The following TMEFF1 variants were observed in gnomAD, a reference collection of about 807,000 sequenced individuals.
TMEFF1 encodes the protein transmembrane protein with EGF like and two follistatin like domains 1, also known as tomoregulin-1.
Under a neutral mutation model 47.5 loss-of-function variants are expected in TMEFF1, and 20 were observed. The observed-to-expected ratio is 0.42, with a 90% CI of 0.30 to 0.61. TMEFF1 has a LOEUF of 0.61. Among genes scored for constraint, TMEFF1 ranks in the 20% least tolerant of loss-of-function variants. The pLI, the probability that TMEFF1 is intolerant of heterozygous loss-of-function variation, is 0.19. For synonymous variants in TMEFF1, 162 were observed against 166.3 expected, an observed-to-expected ratio of 0.97 and a Z score of 0.20; for missense variants, 411 against 471.1, an observed-to-expected ratio of 0.87 and a Z score of 1.18.
intron 2 of TMEFF1, among the ~76,000 whole-genome samples, chr9:100,503,445 T>G (rs184202905): frequency 6.6e-6 from 1 of 152,116 alleles, no homozygotes; most frequent in East Asian, 1.9e-4. Context: ...CTATGTGTCT[T>G]TCTTCCTGTA....
intron 7 of TMEFF1, 136 bp from the exon 8 acceptor site, chr9:100,561,261 T>G: frequency 6.9e-7 from 1 of 1,443,250 alleles, no homozygotes; most frequent in Non-Finnish European, 9.2e-7. Context: ...ACCCCCTATC[T>G]GATAAATTTT....
At chr9:100,513,267 G>C (rs757686080) in intron 3 of TMEFF1, 40 bp from the exon 4 acceptor site, 2 of 1,571,744 alleles carry the variant, frequency 1.3e-6, no homozygotes, top group African/African-American at 2.8e-5. Flanking sequence ...TGAAATTTCC[G>C]GGAAAAATGT....
At chr9:100,573,320 T>G in intron 9 of TMEFF1, among the ~76,000 whole-genome samples, 1 of 152,180 alleles carries the variant, frequency 6.6e-6, no homozygotes, top group East Asian at 1.9e-4. Context: ...TTACTTCATT[T>G]TCAGGATTGC....
intron 1 of TMEFF1, among the ~76,000 whole-genome samples, chr9:100,485,344 G>C (rs1837429136): frequency 6.6e-6 from 1 of 152,104 alleles, no homozygotes; most frequent in South Asian, 2.1e-4. Flanking sequence ...GAATTCCTGG[G>C]TCACGTGGTG....
At chr9:100,548,144 GAATTAT>G (rs1838770526) in intron 6 of TMEFF1, among the ~76,000 whole-genome samples, 1 of 151,582 alleles carries the variant, frequency 6.6e-6, no homozygotes, top group African/African-American at 2.4e-5. Flanking sequence ...TCCTAACATG[GAATTAT>G]AATTATTATT....
At chr9:100,574,578 T>A (rs929442432) in intron 9 of TMEFF1, among the ~76,000 whole-genome samples, 2 of 151,914 alleles carry the variant, frequency 1.3e-5, no homozygotes, top group African/African-American at 4.8e-5. Context: ...GGTTTGGCCA[T>A]GTTGCCGAGG....
chr9:100,565,423 C>T (rs186006447), intron 8 of TMEFF1, among the ~76,000 whole-genome samples: 1 of 152,306 alleles, frequency 6.6e-6, no homozygotes, highest in African/African-American at 2.4e-5. Context: ...CAGCTCTCCA[C>T]CCACTGCATA....
intron 1 of TMEFF1, among the ~76,000 whole-genome samples, chr9:100,494,473 T>C (rs1837615543): frequency 6.6e-6 from 1 of 152,136 alleles, no homozygotes; most frequent in Non-Finnish European, 1.5e-5. Flanking sequence ...TAATGGTAAG[T>C]CTGGAAAGAG....
chr9:100,553,888 G>A (rs1838870332), intron 7 of TMEFF1, among the ~76,000 whole-genome samples: 1 of 151,980 alleles, frequency 6.6e-6, no homozygotes, highest in Non-Finnish European at 1.5e-5. Flanking sequence ...CACAAATCTT[G>A]ACCAATGAAT....
At chr9:100,482,445 G>A (rs1476541471) in intron 1 of TMEFF1, among the ~76,000 whole-genome samples, 1 of 152,048 alleles carries the variant, frequency 6.6e-6, no homozygotes, top group Admixed American at 6.5e-5. Flanking sequence ...TAATCTGCCC[G>A]CCTCGGCCTC....
chr9:100,544,710 C>T (rs144695312), intron 5 of TMEFF1, among the ~76,000 whole-genome samples: 6 of 152,356 alleles, frequency 3.9e-5, no homozygotes, highest in East Asian at 1.9e-4. Context: ...CACAGTCCAA[C>T]ATCTCATCTG....
intron 1 of TMEFF1, among the ~76,000 whole-genome samples, chr9:100,481,162 T>A (rs1422861645): frequency 6.6e-6 from 1 of 152,218 alleles, no homozygotes; most frequent in Admixed American, 6.5e-5. Flanking sequence ...CTCTCTCATA[T>A]CCTAATCTTC....
At chr9:100,536,889 A>G (rs978639417) in intron 5 of TMEFF1, among the ~76,000 whole-genome samples, 2 of 152,218 alleles carry the variant, frequency 1.3e-5, no homozygotes, top group Admixed American at 1.3e-4. Context: ...AGAAACATTA[A>G]GGTAGGTTTC....
intron 5 of TMEFF1, among the ~76,000 whole-genome samples, chr9:100,532,641 G>T (rs1838409889): frequency 6.6e-6 from 1 of 151,538 alleles, no homozygotes; most frequent in Middle Eastern, 3.4e-3. Flanking sequence ...CTGTTGGTGG[G>T]ACTGTAAACT....
intron 5 of TMEFF1, among the ~76,000 whole-genome samples, 161 bp downstream of exon 5, chr9:100,516,932 CTATGGCTAT>C (rs1298686296): frequency 6.6e-6 from 1 of 152,012 alleles, no homozygotes; most frequent in East Asian, 1.9e-4. Flanking sequence ...TGATATAATA[CTATGGCTAT>C]TTAAATCAGT....
chr9:100,501,508 T>C (rs1279707432), intron 2 of TMEFF1, among the ~76,000 whole-genome samples: 1 of 152,196 alleles, frequency 6.6e-6, no homozygotes, highest in African/African-American at 2.4e-5. Flanking sequence ...TAAAGACATG[T>C]GTATGCATAT....
At chr9:100,516,555 T>G in intron 4 of TMEFF1, 120 bp from the exon 5 acceptor site, 2 of 1,280,538 alleles carry the variant, frequency 1.6e-6, no homozygotes, top group Non-Finnish European at 2.1e-6. Flanking sequence ...TGGAAGTGAC[T>G]GTTTTCAAGA....
At chr9:100,494,426 T>C (rs1197223197) in intron 1 of TMEFF1, among the ~76,000 whole-genome samples, 4 of 152,174 alleles carry the variant, frequency 2.6e-5, no homozygotes, top group East Asian at 1.9e-4. Flanking sequence ...ATAAGGGCTT[T>C]TTAAAAAATG....
chr9:100,536,765 A>G (rs897438997), intron 5 of TMEFF1, among the ~76,000 whole-genome samples: 1 of 152,200 alleles, frequency 6.6e-6, no homozygotes, highest in African/African-American at 2.4e-5. Flanking sequence ...AAGCAAGATA[A>G]TCATCAATCT....
Sources: gnomAD v4.1 joint callset for allele counts (sites outside exome capture counted in the v4.1 genomes callset) on GRCh38, gnomAD v4.1.1 for gene constraint, MANE v1.5 for transcripts, NCBI Gene and HGNC (gene_info 2026-07-23, HGNC 2026-07-21) for gene names.